Variants in CEP164 observed in about 807,000 individuals in gnomAD.
The protein encoded by CEP164 is centrosomal protein of 164 kDa.
CEP164 carries 162 observed loss-of-function variants against 182.7 expected under a neutral mutation model. The observed-to-expected ratio is 0.89, with a 90% confidence interval of 0.78 to 1.01. CEP164 has a LOEUF of 1.01. Among genes scored for constraint, CEP164 ranks in the 50% least tolerant of loss-of-function variants. The pLI is 0.00. For synonymous variants in CEP164, 661 were observed against 690.0 expected (o/e 0.96, Z 0.66); for missense variants, 1,735 against 1,790.4 (o/e 0.97, Z 0.56).
At chr11:117,355,266 C>T (rs74761525) in intron 5 of CEP164, 133,546 of 1,289,720 alleles carry the variant, frequency 0.1, 7,330 homozygotes, top group East Asian at 0.19. Flanking sequence ...CTCCAGAAGG[C>T]GACAGAGAAA....
intron 26 of CEP164, among the ~76,000 whole-genome samples, chr11:117,396,883 T>C (rs1414910879): frequency 6.6e-6 from 1 of 152,236 alleles, no homozygotes; most frequent in African/African-American, 2.4e-5. Context: ...GCCTGATCCC[T>C]CTCAGAGTCA....
chr11:117,396,304 G>A, intron 25 of CEP164, 124 bp downstream of exon 25: 3 of 1,156,052 alleles, frequency 2.6e-6, no homozygotes, highest in Non-Finnish European at 3.8e-6. Context: ...AGCCTCAGGA[G>A]GGGAGGAGTA....
chr11:117,391,176 G>A lies in CEP164; in HGVS notation c.2244G>A (p.Leu748=). The A allele has an allele frequency of 6.2e-7, 1 of 1,612,894 alleles. No homozygotes were observed. Among genetic ancestry groups the A allele is most frequent in the Non-Finnish European group, 8.5e-7 (1 of 1,179,816 alleles). The change falls in exon 17 of 33, where the codon CTG becomes CTA. Residue 748 remains leucine (L), a synonymous_variant. Transcript: ENST00000278935. The part of the protein sequence containing the change: ...AALNAAKEKA[L]QQLREQLEGE... ...TGAATGCTGCAAAGGAGAAGGCTCT[G>A]CAGCAGCTGAGGGAGCAGCTGGAAG...
intron 13 of CEP164, among the ~76,000 whole-genome samples, chr11:117,382,117 G>A (rs1464676836): frequency 3.9e-5 from 6 of 152,142 alleles, no homozygotes; most frequent in Non-Finnish European, 1.5e-5. Context: ...AGGGTATGTG[G>A]TCTGATTAGA....
At chr11:117,381,666 G>A (rs1274788835) in intron 12 of CEP164, 35 bp from the exon 13 acceptor site, 3 of 1,585,904 alleles carry the variant, frequency 1.9e-6, no homozygotes, top group Non-Finnish European at 2.6e-6. Context: ...CCAAATGGAG[G>A]GGCCTGACTC....
chr11:117,340,799 C>T (rs553603527), intron 3 of CEP164, among the ~76,000 whole-genome samples: 149 of 152,312 alleles, frequency 9.8e-4, no homozygotes, highest in African/African-American at 3.3e-3. Flanking sequence ...GCAGGGATTA[C>T]AGACATAAGC....
intron 1 of CEP164, among the ~76,000 whole-genome samples, chr11:117,329,061 T>A (rs2035785874): frequency 6.6e-6 from 1 of 152,242 alleles, no homozygotes; most frequent in Non-Finnish European, 1.5e-5. Context: ...TGTCCTCCTG[T>A]AATTAGTTCT....
chr11:117,354,797 A>G (rs2040119386), intron 5 of CEP164: 3 of 164,018 alleles, frequency 1.8e-5, no homozygotes, highest in African/African-American at 7.8e-5. Flanking sequence ...TTTATTTATT[A>G]TTTATTATAC....
chr11:117,347,405 T>G (rs1358692880), intron 4 of CEP164, among the ~76,000 whole-genome samples: 1 of 152,176 alleles, frequency 6.6e-6, no homozygotes, highest in Non-Finnish European at 1.5e-5. Flanking sequence ...CATATGAATT[T>G]TAGAATAGCT....
At position 117,395,675 on chromosome 11, in the gene CEP164, A is replaced by G. The variant is rs149350006; in HGVS notation, c.3042A>G (p.Gln1014=). 55 of 1,613,328 alleles carry G rather than the reference A, an allele frequency of 3.4e-5. No individual in the cohort carries two copies. The African/African-American group carries it at 6.1e-4, about 18-fold the overall frequency. Reference sequence around the variant, plus strand: ...CCCGCAAGCTGAAGCTGGAGTCCCAAGTGGATCTGCTGCAGGCTCAGAGCC... The same window carrying G: ...CCCGCAAGCTGAAGCTGGAGTCCCAGGTGGATCTGCTGCAGGCTCAGAGCC... ...LQARKLKLES[Q]VDLLQAQSQQ... is the part of the protein sequence containing the mutation. Residue 1014 remains glutamine, a synonymous_variant, in exon 24 of 33, where the codon CAA becomes CAG. Coordinates refer to ENST00000278935, the MANE Select transcript of CEP164 (RefSeq NM_014956.5).
rs776162729 is a variant in CEP164 at position 117,392,984 on chromosome 11, C to G, written c.2494-20C>G. Reference sequence around the variant, plus strand: ...TCCGCCTCGGTTCTTCATGCCACATCCCTGCCATCTCCCCTGCAGCTCAGC... The same window carrying G: ...TCCGCCTCGGTTCTTCATGCCACATGCCTGCCATCTCCCCTGCAGCTCAGC... On this transcript the variant is annotated intron_variant, in intron 19 of 32. Transcript: ENST00000278935. 1 of 1,612,192 alleles carries G rather than the reference C, an allele frequency of 6.2e-7. No individual in the cohort carries two copies. The highest frequency in any genetic ancestry group is 8.5e-7 in the Non-Finnish European group (1 of 1,179,424).
chr11:117,406,390 C>T (rs1195181485), intron 27 of CEP164, among the ~76,000 whole-genome samples: 3 of 152,142 alleles, frequency 2.0e-5, no homozygotes, highest in Non-Finnish European at 1.5e-5. Context: ...AGATTATTTC[C>T]CTTCAGGTCC....
rs1182162706 is a variant in CEP164 at position 117,396,095 on chromosome 11, G to A, written c.3131G>A (p.Arg1044Lys). The A allele has an allele frequency of 1.2e-6, 2 of 1,612,936 alleles. No homozygotes were observed. Among genetic ancestry groups the A allele is most frequent in the Non-Finnish European group, 1.7e-6 (2 of 1,179,226 alleles). ...GCTCAAAAGAAGCAGCACCTGTTGA[G>A]AGAAGTGACAGTTGAGGAAAATAAT... ...AEAQKKQHLL[R>K]EVTVEENNAS... Residue 1044 changes from arginine (R) to lysine (K), a missense_variant, in exon 25 of 33, where the codon AGA (arginine) becomes AAA (lysine). Arg to Lys is a conservative substitution (Grantham distance 26, BLOSUM62 2). Transcript: ENST00000278935.
At position 117,396,006 on chromosome 11, in the gene CEP164, C is replaced by G. The variant is rs693181; in HGVS notation, c.3090-48C>G. ...GTTCTGACCCACTTCACCCCTCCCCCCCATCGCCAGCCGCTGCCCTGCCTC... is the reference window on the plus strand; with the variant it reads ...GTTCTGACCCACTTCACCCCTCCCCGCCATCGCCAGCCGCTGCCCTGCCTC... On this transcript the variant is annotated intron_variant, in intron 24 of 32. Transcript: ENST00000278935. The G allele has an allele frequency of 0.048, 77,503 of 1,611,406 alleles. 2,129 individuals carry two copies. The highest frequency in any genetic ancestry group is 0.056 in the Non-Finnish European group (66,088 of 1,178,548).
intron 11 of CEP164, among the ~76,000 whole-genome samples, chr11:117,379,128 C>T (rs1268401032): frequency 1.3e-5 from 2 of 152,140 alleles, no homozygotes; most frequent in Admixed American, 6.5e-5. Context: ...GGCTGCGTGC[C>T]CTGCCATTGT....
chr11:117,383,091 T>C (rs2043527406), intron 14 of CEP164, 149 bp downstream of exon 14: 3 of 921,406 alleles, frequency 3.3e-6, no homozygotes, highest in Non-Finnish European at 1.6e-6. Flanking sequence ...TGGTGCTCTG[T>C]GTGCAGCCTT....
At chr11:117,338,085 G>A (rs1287443895) in intron 2 of CEP164, among the ~76,000 whole-genome samples, 2 of 151,936 alleles carry the variant, frequency 1.3e-5, no homozygotes, top group African/African-American at 2.4e-5. Flanking sequence ...TGCTGCTCTT[G>A]AGGTCGTTCC....
At chr11:117,365,213 G>A (rs1337239065) in intron 8 of CEP164, among the ~76,000 whole-genome samples, 1 of 152,230 alleles carries the variant, frequency 6.6e-6, no homozygotes, top group Non-Finnish European at 1.5e-5. Flanking sequence ...TGAGGCTGGA[G>A]ATTCTGCCCT....
At chr11:117,381,575 G>T in intron 12 of CEP164, 126 bp from the exon 13 acceptor site, 2 of 1,127,154 alleles carry the variant, frequency 1.8e-6, no homozygotes, top group Non-Finnish European at 2.5e-6. Context: ...GGATGGATGT[G>T]GGGGTGGGGC....
Sources: gnomAD v4.1 joint callset for allele counts (sites outside exome capture counted in the v4.1 genomes callset) on GRCh38, gnomAD v4.1.1 for gene constraint, MANE v1.5 for transcripts, NCBI Gene and HGNC (gene_info 2026-07-23, HGNC 2026-07-21) for gene names.